Variants in FRMD5 observed in about 807,000 individuals in gnomAD.
FRMD5 encodes FERM domain containing 5.
In FRMD5, 20 loss-of-function variants were observed where a neutral mutation model predicts 69.0. The ratio of observed to expected loss-of-function variants is 0.29; its 90% CI spans 0.20 to 0.42. The LOEUF (loss-of-function observed/expected upper bound fraction) is 0.42. Ranked by LOEUF, FRMD5 falls within the 10% of genes least tolerant of loss-of-function variation. The pLI is 1.00. For synonymous variants in FRMD5, 271 were observed against 260.1 expected (o/e 1.04, Z -0.40); for missense variants, 595 against 708.6 (o/e 0.84, Z 1.82).
At chr15:44,085,851 C>T (rs1325215518) in intron 1 of FRMD5, among the ~76,000 whole-genome samples, 1 of 152,108 alleles carries the variant, frequency 6.6e-6, no homozygotes, top group African/African-American at 2.4e-5. Context: ...TCAATTATGA[C>T]AACCCCATAT....
At chr15:43,976,289 AT>A (rs1338407352) in intron 1 of FRMD5, among the ~76,000 whole-genome samples, 1 of 152,194 alleles carries the variant, frequency 6.6e-6, no homozygotes. Context: ...AAATGGATAT[AT>A]TAGTCTTTAT....
rs1475621430 is a variant in FRMD5 at position 43,874,294 on chromosome 15, ACAGGGGTGGGCAGCACGCTGTCTG to A, written c.1280_1303del (p.Ala427_Pro434del). On this transcript the variant is annotated inframe_deletion, in exon 14 of 14. Coordinates refer to ENST00000417257, the MANE Select transcript of FRMD5 (RefSeq NM_032892.5). Reference sequence around the variant, plus strand: ...CATCAGCTCCAGGCTGTGCTCAGCCACAGGGGTGGGCAGCACGCTGTCTGCAGGGCTGTAGGCCTCGTCTGCAAT... The same window carrying A: ...CATCAGCTCCAGGCTGTGCTCAGCCACAGGGCTGTAGGCCTCGTCTGCAAT... 4 of 1,614,108 alleles carry A rather than the reference ACAGGGGTGGGCAGCACGCTGTCTG, an allele frequency of 2.5e-6. No individual in the cohort carries two copies. In the African/African-American group the frequency reaches 5.3e-5, roughly 22 times the overall value.
At chr15:43,950,378 T>G (rs1367797322) in intron 1 of FRMD5, among the ~76,000 whole-genome samples, 1 of 152,192 alleles carries the variant, frequency 6.6e-6, no homozygotes, top group Non-Finnish European at 1.5e-5. Context: ...AAAATTGGTT[T>G]CATGCTTTAA....
chr15:44,055,777 T>C (rs1268733528), intron 1 of FRMD5, among the ~76,000 whole-genome samples: 9 of 152,210 alleles, frequency 5.9e-5, no homozygotes, highest in Admixed American at 5.2e-4. Flanking sequence ...TTGTGTGACC[T>C]TAAGTCACTT....
At chr15:44,177,316 T>C (rs2077916043) in intron 1 of FRMD5, among the ~76,000 whole-genome samples, 1 of 152,160 alleles carries the variant, frequency 6.6e-6, no homozygotes, top group Non-Finnish European at 1.5e-5. Flanking sequence ...AAAGTTGAAA[T>C]GTCCATCAAC....
intron 1 of FRMD5, among the ~76,000 whole-genome samples, chr15:44,097,371 G>A (rs2076568618): frequency 6.6e-6 from 1 of 152,350 alleles, no homozygotes; most frequent in Non-Finnish European, 1.5e-5. Context: ...GTGCTCTTGG[G>A]AGACTTCAGA....
chr15:44,092,202 C>G (rs1022562309), intron 1 of FRMD5, among the ~76,000 whole-genome samples: 2 of 152,092 alleles, frequency 1.3e-5, no homozygotes, highest in Non-Finnish European at 2.9e-5. Flanking sequence ...TCCTGTATGT[C>G]TAGTCCTTCA....
At chr15:44,193,865 G>T (rs2078236030) in intron 1 of FRMD5, among the ~76,000 whole-genome samples, 1 of 152,256 alleles carries the variant, frequency 6.6e-6, no homozygotes, top group South Asian at 2.1e-4. Flanking sequence ...ACTGAGGGTA[G>T]GACCCAGGCC....
intron 1 of FRMD5, chr15:43,990,101 G>T (rs537298848): frequency 1.5e-6 from 1 of 662,300 alleles, no homozygotes; most frequent in African/African-American, 1.8e-5. Context: ...AAGATGGCCC[G>T]GGGTGGGCAT....
chr15:44,007,167 T>TA (rs1260348943), intron 1 of FRMD5, among the ~76,000 whole-genome samples: 2 of 152,092 alleles, frequency 1.3e-5, no homozygotes, highest in Non-Finnish European at 2.9e-5. Flanking sequence ...AGGTAATTGT[T>TA]ACCATTTTTT....
intron 1 of FRMD5, among the ~76,000 whole-genome samples, chr15:44,075,312 A>G (rs540281821): frequency 1.2e-4 from 19 of 152,280 alleles, no homozygotes; most frequent in African/African-American, 4.3e-4. Flanking sequence ...TGGAAATTCT[A>G]AAGTGGTGCC....
chr15:44,106,886 G>C (rs2076727604), intron 1 of FRMD5, among the ~76,000 whole-genome samples: 1 of 152,150 alleles, frequency 6.6e-6, no homozygotes, highest in African/African-American at 2.4e-5. Flanking sequence ...CCTTTACACT[G>C]CTAAAAATGA....
intron 1 of FRMD5, among the ~76,000 whole-genome samples, chr15:43,988,854 A>G (rs1889527848): frequency 6.6e-6 from 1 of 152,182 alleles, no homozygotes; most frequent in African/African-American, 2.4e-5. Flanking sequence ...ATGTACAATG[A>G]AAGTCCCTGG....
intron 4 of FRMD5, among the ~76,000 whole-genome samples, chr15:43,913,033 CAA>C (rs1242970072): frequency 2.6e-4 from 23 of 87,066 alleles, no homozygotes; most frequent in Non-Finnish European, 3.6e-4. Flanking sequence ...AACTCCATCT[CAA>C]AAAAAAAAAA....
chr15:44,052,179 A>G (rs897469908), intron 1 of FRMD5, among the ~76,000 whole-genome samples: 6 of 151,892 alleles, frequency 4.0e-5, no homozygotes, highest in Non-Finnish European at 8.8e-5. Flanking sequence ...ATTTATTCAG[A>G]CTTTTATTTA....
At chr15:43,930,556 G>C (rs2089657396) in intron 1 of FRMD5, among the ~76,000 whole-genome samples, 1 of 152,220 alleles carries the variant, frequency 6.6e-6, no homozygotes, top group Non-Finnish European at 1.5e-5. Context: ...AGGGAAATCA[G>C]AGCTCAGAAG....
intron 1 of FRMD5, among the ~76,000 whole-genome samples, chr15:44,087,779 CAT>C (rs1894264790): frequency 1.3e-5 from 2 of 149,468 alleles, no homozygotes; most frequent in East Asian, 3.9e-4. Context: ...TCATCATCAT[CAT>C]CATCATCCCA....
At chr15:44,000,530 G>C (rs1430049376) in intron 1 of FRMD5, among the ~76,000 whole-genome samples, 2 of 151,592 alleles carry the variant, frequency 1.3e-5, no homozygotes, top group Admixed American at 6.6e-5. Flanking sequence ...CACAATCTCG[G>C]CTCACCGCAA....
intron 9 of FRMD5, 123 bp downstream of exon 9, chr15:43,888,686 C>G: frequency 1.3e-6 from 1 of 774,242 alleles, no homozygotes; most frequent in Non-Finnish European, 2.2e-6. Flanking sequence ...CAGGTCCTGA[C>G]CTTGGTCTTG....
Sources: allele counts gnomAD v4.1 joint callset (sites outside exome capture counted in the v4.1 genomes callset), GRCh38; gene constraint gnomAD v4.1.1; transcripts MANE v1.5; gene names NCBI Gene and HGNC (gene_info 2026-07-23, HGNC 2026-07-21).